Variants in AFF3 observed in about 807,000 individuals in gnomAD.
AFF3 encodes ALF transcription elongation factor 3.
In AFF3, 32 loss-of-function variants were observed where a neutral mutation model predicts 129.7. That is an observed-to-expected ratio of 0.25 (90% CI 0.19 to 0.33). The LOEUF (loss-of-function observed/expected upper bound fraction) is 0.33, where lower values mean the gene tolerates loss of function less well. Ranked by LOEUF, AFF3 falls within the 10% of genes least tolerant of loss-of-function variation. AFF3 has a pLI of 1.00. For synonymous variants in AFF3, 644 were observed against 635.4 expected (o/e 1.01, Z -0.20); for missense variants, 1,373 against 1,592.0 (o/e 0.86, Z 2.34).
intron 8 of AFF3, among the ~76,000 whole-genome samples, chr2:99,756,539 C>T (rs1478790142): frequency 6.6e-6 from 1 of 152,220 alleles, no homozygotes; most frequent in African/African-American, 2.4e-5. Flanking sequence ...CCTGCCTGCA[C>T]CCTCTGTCTG....
intron 12 of AFF3, among the ~76,000 whole-genome samples, chr2:99,665,592 C>T (rs1436363379): frequency 3.9e-5 from 6 of 152,206 alleles, no homozygotes; most frequent in African/African-American, 1.4e-4. Flanking sequence ...GTCTGTGAGA[C>T]ATCCAAGTGG....
intron 12 of AFF3, among the ~76,000 whole-genome samples, chr2:99,651,688 C>T (rs1315988510): frequency 8.5e-5 from 13 of 152,208 alleles, no homozygotes; most frequent in Non-Finnish European, 1.3e-4. Flanking sequence ...ATGATCCACC[C>T]GCCTCTGCCC....
intron 7 of AFF3, among the ~76,000 whole-genome samples, chr2:99,958,500 AG>A (rs1676885806): frequency 6.6e-6 from 1 of 150,936 alleles, no homozygotes; most frequent in Non-Finnish European, 1.5e-5. Flanking sequence ...AAAAAAAAAA[AG>A]GGAGGACACA....
At chr2:99,949,182 G>A (rs941129661) in intron 7 of AFF3, among the ~76,000 whole-genome samples, 1 of 152,010 alleles carries the variant, frequency 6.6e-6, no homozygotes, top group Non-Finnish European at 1.5e-5. Context: ...AACCCAATGG[G>A]GCTGTCAAGA....
chr2:99,757,882 G>T (rs1301157760), intron 8 of AFF3, among the ~76,000 whole-genome samples: 1 of 152,108 alleles, frequency 6.6e-6, no homozygotes, highest in African/African-American at 2.4e-5. Flanking sequence ...ACCTTCCTTT[G>T]TGCCACATTT....
chr2:99,971,616 C>T (rs1678388466), intron 7 of AFF3, among the ~76,000 whole-genome samples: 1 of 152,228 alleles, frequency 6.6e-6, no homozygotes, highest in Admixed American at 6.5e-5. Flanking sequence ...TCACACTGTG[C>T]AGTCCACTGT....
intron 8 of AFF3, among the ~76,000 whole-genome samples, chr2:99,826,616 C>A (rs139677808): frequency 6.6e-6 from 1 of 151,970 alleles, no homozygotes; most frequent in East Asian, 1.9e-4. Context: ...GCATGAGTTG[C>A]GCCCAGAGGT....
chr2:99,587,068 A>G, intron 16 of AFF3, 86 bp downstream of exon 16: 1 of 1,568,020 alleles, frequency 6.4e-7, no homozygotes, highest in Non-Finnish European at 8.7e-7. Flanking sequence ...GTCCTCAAAA[A>G]GCCTGACCCT....
chr2:99,607,724 T>G (rs774239975), intron 13 of AFF3, among the ~76,000 whole-genome samples: 1 of 152,236 alleles, frequency 6.6e-6, no homozygotes, highest in South Asian at 2.1e-4. Flanking sequence ...GGTGCCCACA[T>G]CGCACCACAC....
intron 13 of AFF3, among the ~76,000 whole-genome samples, chr2:99,620,244 C>T (rs932818524): frequency 6.6e-6 from 1 of 152,182 alleles, no homozygotes; most frequent in Non-Finnish European, 1.5e-5. Context: ...CTGTGGGTCT[C>T]AGTGACCCAC....
chr2:99,675,399 G>C (rs911376918), intron 11 of AFF3, among the ~76,000 whole-genome samples: 19 of 152,100 alleles, frequency 1.2e-4, no homozygotes, highest in African/African-American at 4.1e-4. Context: ...AGACGACCAC[G>C]GCCATACCGC....
chr2:100,122,612 A>G (rs1692025331), intron 2 of AFF3, among the ~76,000 whole-genome samples: 1 of 152,230 alleles, frequency 6.6e-6, no homozygotes, highest in African/African-American at 2.4e-5. Flanking sequence ...GGAAAATGAC[A>G]TGCCTGAGAG....
intron 8 of AFF3, among the ~76,000 whole-genome samples, chr2:99,812,209 A>G (rs1479504022): frequency 6.6e-6 from 1 of 152,062 alleles, no homozygotes; most frequent in Non-Finnish European, 1.5e-5. Flanking sequence ...CAGGCCCTAC[A>G]TTTTCTCCCT....
intron 8 of AFF3, among the ~76,000 whole-genome samples, chr2:99,806,157 C>T (rs921814666): frequency 1.3e-5 from 2 of 152,170 alleles, no homozygotes; most frequent in African/African-American, 4.8e-5. Flanking sequence ...TTTGTCAGAT[C>T]CGATCAACTT....
intron 13 of AFF3, among the ~76,000 whole-genome samples, chr2:99,605,205 A>T (rs1680209491): frequency 1.3e-5 from 2 of 152,248 alleles, no homozygotes; most frequent in Admixed American, 1.3e-4. Context: ...TACGAAATTC[A>T]CTTAAAATGA....
At chr2:99,934,665 C>G (rs1052944418) in intron 7 of AFF3, among the ~76,000 whole-genome samples, 4 of 152,192 alleles carry the variant, frequency 2.6e-5, no homozygotes, top group African/African-American at 4.8e-5. Context: ...AAGAACCCTG[C>G]CCCCTCAGAA....
chr2:99,711,156 C>T (rs1677854545), intron 11 of AFF3, among the ~76,000 whole-genome samples: 2 of 152,072 alleles, frequency 1.3e-5, no homozygotes, highest in African/African-American at 2.4e-5. Context: ...GCCCTTTCTT[C>T]AGAAATGGGG....
At chr2:99,607,706 A>T (rs1003682804) in intron 13 of AFF3, among the ~76,000 whole-genome samples, 1 of 152,174 alleles carries the variant, frequency 6.6e-6, no homozygotes, top group African/African-American at 2.4e-5. Context: ...TGCTGTGTGG[A>T]CAGCTGTGGT....
intron 8 of AFF3, among the ~76,000 whole-genome samples, chr2:99,807,526 T>C (rs774700136): frequency 6.6e-6 from 1 of 152,204 alleles, no homozygotes; most frequent in Non-Finnish European, 1.5e-5. Flanking sequence ...TCCGTGGTCC[T>C]GGTTTTTCAC....
Sources: allele counts gnomAD v4.1 joint callset (sites outside exome capture counted in the v4.1 genomes callset), GRCh38; gene constraint gnomAD v4.1.1; transcripts MANE v1.5; gene names NCBI Gene and HGNC (gene_info 2026-07-23, HGNC 2026-07-21).